Variants in AGMO observed in about 807,000 individuals in gnomAD.
AGMO encodes the protein alkylglycerol monooxygenase, also known as glyceryl-ether monooxygenase.
Under a neutral mutation model 60.2 loss-of-function variants are expected in AGMO, and 75 were observed. The observed-to-expected ratio is 1.25, with a 90% CI of 1.03 to 1.51. AGMO has a LOEUF of 1.51. Among genes scored for constraint, AGMO ranks in the 40% most tolerant of loss-of-function variants. AGMO has a pLI of 0.00. For synonymous variants in AGMO, 261 were observed against 177.1 expected (o/e 1.47, Z -3.76); for missense variants, 763 against 525.5 (o/e 1.45, Z -4.42).
At chr7:15,525,074 G>C (rs1434415975) in intron 3 of AGMO, among the ~76,000 whole-genome samples, 3 of 152,052 alleles carry the variant, frequency 2.0e-5, no homozygotes, top group Admixed American at 6.6e-5. Flanking sequence ...TGACAAAAAG[G>C]GAAGTCAGTC....
At position 15,478,754 on chromosome 7, in the gene AGMO, C is replaced by A. The variant is rs73679615; in HGVS notation, c.410-47646G>T. ...GAGAGTCTGTTTTTTGTATTAAAGC[C>A]TGTTCAGGTCAGATAAGATCTTAAG... On this transcript the variant is annotated intron_variant, in intron 3 of 12. Transcript: ENST00000342526. Among the ~76,000 whole-genome samples, 1,363 of 152,256 alleles carry A rather than the reference C, an allele frequency of 9.0e-3. 20 individuals are homozygous for A. The highest frequency in any genetic ancestry group is 0.031 in the African/African-American group (1,283 of 41,530).
chr7:15,347,456 T>C (rs1331785297), intron 12 of AGMO, among the ~76,000 whole-genome samples: 1 of 152,088 alleles, frequency 6.6e-6, no homozygotes, highest in Non-Finnish European at 1.5e-5. Context: ...AAGTTAGTTA[T>C]TTACCTCTAT....
chr7:15,187,900 C>G, the AGMO span, among the ~76,000 whole-genome samples: 1 of 20,278 alleles, frequency 4.9e-5, no homozygotes, highest in Admixed American at 4.0e-4. Flanking sequence ...AGGATTAACT[C>G]CCCCCCGACT....
At chr7:15,398,726 A>G (rs1398182905) in intron 5 of AGMO, among the ~76,000 whole-genome samples, 2 of 152,224 alleles carry the variant, frequency 1.3e-5, no homozygotes, top group African/African-American at 4.8e-5. Flanking sequence ...TTTTTTAGAC[A>G]TAGATGGGTT....
chr7:15,512,010 C>T (rs1272414017), intron 3 of AGMO, among the ~76,000 whole-genome samples: 1 of 62,672 alleles, frequency 1.6e-5, no homozygotes, highest in African/African-American at 4.6e-5. Context: ...AGAGAATACA[C>T]ACAAAAAAAA....
chr7:15,483,444 C>T (rs936377067), intron 3 of AGMO, among the ~76,000 whole-genome samples: 7 of 151,954 alleles, frequency 4.6e-5, no homozygotes, highest in Non-Finnish European at 5.9e-5. Flanking sequence ...CGGGCGCCTG[C>T]AGTCCCAGCT....
chr7:15,253,088 T>C (rs1489086119), intron 12 of AGMO, among the ~76,000 whole-genome samples: 1 of 152,174 alleles, frequency 6.6e-6, no homozygotes, highest in Non-Finnish European at 1.5e-5. Context: ...CAAAGATTCA[T>C]TTGCTATTGT....
intron 3 of AGMO, among the ~76,000 whole-genome samples, chr7:15,534,352 T>C (rs1372957209): frequency 6.6e-6 from 1 of 151,978 alleles, no homozygotes; most frequent in South Asian, 2.1e-4. Flanking sequence ...ATTAAAAACT[T>C]CAAGTGTTGA....
intron 6 of AGMO, among the ~76,000 whole-genome samples, chr7:15,391,774 C>A (rs1186809575): frequency 1.3e-5 from 2 of 152,104 alleles, no homozygotes; most frequent in African/African-American, 4.8e-5. Flanking sequence ...AGTAGGGAAG[C>A]ATTTTGCCCC....
At chr7:15,253,543 G>A (rs138192169) in intron 12 of AGMO, among the ~76,000 whole-genome samples, 1 of 151,940 alleles carries the variant, frequency 6.6e-6, no homozygotes, top group Non-Finnish European at 1.5e-5. Context: ...AGATGAGTCA[G>A]GATGGTATTA....
chr7:15,285,255 G>A (rs1047825811), intron 12 of AGMO, among the ~76,000 whole-genome samples: 4 of 151,692 alleles, frequency 2.6e-5, no homozygotes, highest in Non-Finnish European at 5.9e-5. Flanking sequence ...AAGAAATAAA[G>A]TGCATCAAAA....
At chr7:15,398,022 T>C (rs556187127) in intron 5 of AGMO, among the ~76,000 whole-genome samples, 1 of 152,336 alleles carries the variant, frequency 6.6e-6, no homozygotes, top group Non-Finnish European at 1.5e-5. Flanking sequence ...TCTGATGCTT[T>C]GGTTGGGCTT....
intron 4 of AGMO, among the ~76,000 whole-genome samples, chr7:15,426,054 G>A (rs1029721462): frequency 3.9e-5 from 6 of 151,988 alleles, no homozygotes; most frequent in African/African-American, 7.2e-5. Flanking sequence ...ATATTTTATT[G>A]CAAAAGGTAA....
At chr7:15,516,384 G>A (rs1783807117) in intron 3 of AGMO, among the ~76,000 whole-genome samples, 1 of 152,090 alleles carries the variant, frequency 6.6e-6, no homozygotes, top group Non-Finnish European at 1.5e-5. Context: ...TATTACAAAT[G>A]ATACAGCAAG....
chr7:15,267,650 C>T (rs1445572503), intron 12 of AGMO, among the ~76,000 whole-genome samples: 1 of 151,858 alleles, frequency 6.6e-6, no homozygotes, highest in Non-Finnish European at 1.5e-5. Flanking sequence ...TAGTAGGGCA[C>T]ACAGCTTCTA....
At position 15,426,507 on chromosome 7, in the gene AGMO, G is replaced by C. The variant is rs904821172; in HGVS notation, c.513+4498C>G. Among the ~76,000 whole-genome samples, 7 of 152,050 alleles carry C rather than the reference G, an allele frequency of 4.6e-5. No individual in the cohort carries two copies. In the East Asian group the frequency reaches 1.2e-3, roughly 25 times the overall value. On this transcript the variant is annotated intron_variant, in intron 4 of 12. Transcript: ENST00000342526. ...CTCATGCTTATAATCCCACCACTTT[G>C]GGGGGCTGAGGCAGGCGGATCACTT... is the stretch of plus-strand genomic sequence containing the variant.
intron 5 of AGMO, among the ~76,000 whole-genome samples, chr7:15,410,936 G>A (rs1312169442): frequency 1.3e-5 from 2 of 151,810 alleles, no homozygotes; most frequent in Admixed American, 1.3e-4. Flanking sequence ...ATACCCTATG[G>A]TTGAATGTCC....
In AGMO at chr7:15,495,213, A is replaced by T. The variant is rs539505353; in HGVS notation, c.409+49559T>A. On this transcript the variant is annotated intron_variant, in intron 3 of 12. Coordinates refer to ENST00000342526, the MANE Select transcript of AGMO (RefSeq NM_001004320.2). ...CAAAATATTAACATTTTATCACCTT[A>T]AGCTCCAGGACTCAGAAGGCTTTGG... Among the ~76,000 whole-genome samples the T allele has an allele frequency of 6.8e-4, 103 of 152,278 alleles. No homozygotes were observed. In the Middle Eastern group the frequency reaches 0.01, roughly 15 times the overall value.
chr7:15,461,811 G>GTGCAAATTCCC (rs1161614187), intron 3 of AGMO, among the ~76,000 whole-genome samples: 9 of 152,072 alleles, frequency 5.9e-5, no homozygotes, highest in Non-Finnish European at 1.2e-4. Flanking sequence ...AAGAAGTATA[G>GTGCAAATTCCC]TGCAAATTCC....
Sources: gnomAD v4.1 joint callset for allele counts (sites outside exome capture counted in the v4.1 genomes callset) on GRCh38, gnomAD v4.1.1 for gene constraint, MANE v1.5 for transcripts, NCBI Gene and HGNC (gene_info 2026-07-23, HGNC 2026-07-21) for gene names.